Variants in FAM135B observed in about 807,000 individuals in gnomAD.
FAM135B encodes the protein family with sequence similarity 135 member B.
Under a neutral mutation model 127.7 loss-of-function variants are expected in FAM135B, and 43 were observed. The ratio of observed to expected loss-of-function variants is 0.34; its 90% confidence interval spans 0.26 to 0.43. The LOEUF is 0.43. FAM135B is among the 20% of genes least tolerant of loss of function. The probability of loss-of-function intolerance (pLI) is 1.00; values close to 1 mark genes in which losing one functional copy is unlikely to be tolerated. For synonymous variants in FAM135B, 670 were observed against 665.1 expected (o/e 1.01, Z -0.11); for missense variants, 1,558 against 1,725.6 (o/e 0.90, Z 1.72).
At chr8:138,217,398 A>ATGTGAGGC (rs1452012621) in intron 7 of FAM135B, among the ~76,000 whole-genome samples, 4 of 151,216 alleles carry the variant, frequency 2.6e-5, no homozygotes, top group African/African-American at 9.7e-5. Context: ...CTAGCCTTCC[A>ATGTGAGGC]TGTGAGGCTA....
At chr8:138,311,683 C>G (rs1222044794) in intron 2 of FAM135B, among the ~76,000 whole-genome samples, 2 of 152,268 alleles carry the variant, frequency 1.3e-5, no homozygotes, top group African/African-American at 4.8e-5. Flanking sequence ...GGAAAATGGA[C>G]CATGAACACA....
intron 7 of FAM135B, among the ~76,000 whole-genome samples, chr8:138,222,064 TAG>T (rs1330721236): frequency 2.0e-5 from 3 of 151,668 alleles, no homozygotes; most frequent in Non-Finnish European, 4.4e-5. Flanking sequence ...GAAGATGATG[TAG>T]AGAGTGGGAG....
upstream of FAM135B, among the ~76,000 whole-genome samples, chr8:138,497,534 G>T (rs1486784033): frequency 1.3e-5 from 2 of 152,178 alleles, no homozygotes; most frequent in African/African-American, 4.8e-5. Flanking sequence ...GCGCGGCGGA[G>T]AACTGGCTGG....
rs756107092 is a variant in FAM135B at position 138,178,607 on chromosome 8, G to C, written c.957C>G (p.Thr319=). ...GCAGAGTGACTGTGTCCAGGAACTGGGTCCACAGAGTCATCATGTGGGACG... is the reference window on the plus strand; with the variant it reads ...GCAGAGTGACTGTGTCCAGGAACTGCGTCCACAGAGTCATCATGTGGGACG... ...WLTSHMMTLW[T]QFLDTVTLHS... is the part of the protein sequence containing the mutation. Residue 319 remains threonine, a synonymous_variant, in exon 10 of 20, where the codon ACC becomes ACG. Coordinates refer to ENST00000395297, the MANE Select transcript of FAM135B (RefSeq NM_015912.4). The C allele has an allele frequency of 5.0e-6, 8 of 1,613,922 alleles. No homozygotes were observed. In the African/African-American group the frequency reaches 9.3e-5, roughly 19 times the overall value.
chr8:138,339,364 T>C (rs1413651181), intron 2 of FAM135B, among the ~76,000 whole-genome samples: 1 of 6,900 alleles, frequency 1.4e-4, no homozygotes, highest in Non-Finnish European at 5.5e-4. Context: ...ACTAAATATA[T>C]ATATATATAT....
chr8:138,426,022 TACATATAC>T (rs1834852724), intron 1 of FAM135B, among the ~76,000 whole-genome samples: 2 of 18,328 alleles, frequency 1.1e-4, no homozygotes, highest in African/African-American at 5.8e-4. Context: ...TACACACACA[TACATATAC>T]ACACACACAC....
At chr8:138,345,470 G>A (rs1175943177) in intron 2 of FAM135B, among the ~76,000 whole-genome samples, 3 of 152,206 alleles carry the variant, frequency 2.0e-5, no homozygotes, top group African/African-American at 7.2e-5. Context: ...TGTAACTCCG[G>A]GTAATTCTAA....
At chr8:138,196,889 C>T (rs779038138) in intron 8 of FAM135B, among the ~76,000 whole-genome samples, 18 of 152,188 alleles carry the variant, frequency 1.2e-4, no homozygotes, top group East Asian at 1.9e-4. Context: ...TGCTGAGCAA[C>T]GCTTTTACCT....
At chr8:138,133,237 T>A (rs7461621) in intron 19 of FAM135B, among the ~76,000 whole-genome samples, 3 of 152,100 alleles carry the variant, frequency 2.0e-5, no homozygotes, top group African/African-American at 7.2e-5. Context: ...ATGGAAGCCA[T>A]GTGGCATTTC....
rs762938334 is a variant in FAM135B, at chr8:138,396,251, C to T, written c.-19-28249G>A. Reference sequence around the variant, plus strand: ...TGTAAGCCCTGTGCACATCCTTGACCGTGTCTGCATGGAGCAAAGCAGTGG... The same window carrying T: ...TGTAAGCCCTGTGCACATCCTTGACTGTGTCTGCATGGAGCAAAGCAGTGG... On this transcript the variant is annotated intron_variant, in intron 1 of 19. Transcript: ENST00000395297. Among the ~76,000 whole-genome samples the T allele has an allele frequency of 5.3e-5, 8 of 152,090 alleles. No individual in the cohort carries two copies. In the East Asian group the frequency reaches 7.7e-4, roughly 15 times the overall value.
At chr8:138,359,543 T>G (rs1013253626) in intron 2 of FAM135B, among the ~76,000 whole-genome samples, 4 of 152,218 alleles carry the variant, frequency 2.6e-5, no homozygotes, top group Non-Finnish European at 5.9e-5. Context: ...CAGTTGTTTC[T>G]TAGTCAAGCA....
chr8:138,251,145 C>G, intron 5 of FAM135B, 131 bp from the exon 6 acceptor site: 1 of 1,059,620 alleles, frequency 9.4e-7, no homozygotes, highest in African/African-American at 1.6e-5. Flanking sequence ...CCTGCAAATG[C>G]TCTGCCTGGT....
intron 1 of FAM135B, chr8:138,477,314 T>G (rs1172790305): frequency 6.6e-6 from 1 of 152,302 alleles, no homozygotes; most frequent in Non-Finnish European, 1.5e-5. Flanking sequence ...TGCATGTCCT[T>G]ACCTCTTCTT....
intron 1 of FAM135B, among the ~76,000 whole-genome samples, chr8:138,457,344 G>A (rs1167660088): frequency 6.6e-6 from 1 of 152,252 alleles, no homozygotes; most frequent in East Asian, 1.9e-4. Flanking sequence ...CCACTGCAGG[G>A]TCATATTGTC....
At chr8:138,180,830 G>A (rs571376981) in intron 9 of FAM135B, among the ~76,000 whole-genome samples, 20 of 152,276 alleles carry the variant, frequency 1.3e-4, no homozygotes, top group South Asian at 2.1e-4. Flanking sequence ...TGAGGGAATC[G>A]CCTGCATTTT....
At chr8:138,437,091 T>C (rs1478997881) in intron 1 of FAM135B, 1 of 152,220 alleles carries the variant, frequency 6.6e-6, no homozygotes, top group East Asian at 1.9e-4. Context: ...CTGCCATTAC[T>C]GAACTCCCAT....
intron 1 of FAM135B, among the ~76,000 whole-genome samples, chr8:138,382,194 T>A (rs1831899843): frequency 6.6e-6 from 1 of 151,976 alleles, no homozygotes; most frequent in African/African-American, 2.4e-5. Context: ...CCTGCCCTCC[T>A]CCCAGCCAAA....
intron 1 of FAM135B, among the ~76,000 whole-genome samples, chr8:138,449,423 G>A (rs543287190): frequency 6.6e-6 from 1 of 152,132 alleles, no homozygotes; most frequent in African/African-American, 2.4e-5. Flanking sequence ...AGAGGACGGA[G>A]CTCAGAGCTG....
intron 3 of FAM135B, among the ~76,000 whole-genome samples, chr8:138,306,045 C>G (rs1032983447): frequency 2.0e-5 from 3 of 152,030 alleles, no homozygotes; most frequent in Non-Finnish European, 4.4e-5. Flanking sequence ...TCTGAAAATC[C>G]CCATCACACT....
Sources: allele counts gnomAD v4.1 joint callset (sites outside exome capture counted in the v4.1 genomes callset), GRCh38; gene constraint gnomAD v4.1.1; transcripts MANE v1.5; gene names NCBI Gene and HGNC (gene_info 2026-07-23, HGNC 2026-07-21).